The following COG1 variants were observed in gnomAD, a reference collection of about 807,000 sequenced individuals.
COG1 encodes conserved oligomeric Golgi complex subunit 1.
A neutral mutation model predicts 102.2 loss-of-function variants in COG1; 61 were observed. The observed-to-expected ratio is 0.60, with a 90% CI of 0.49 to 0.74. The LOEUF is 0.74. Ranked by LOEUF, COG1 falls within the 30% of genes least tolerant of loss-of-function variation. The pLI is 0.00. For missense variants in COG1, 1,164 were observed against 1,232.1 expected (o/e 0.94, Z 0.83); for synonymous variants, 454 against 493.6 (o/e 0.92, Z 1.06).
At position 73,206,703 on chromosome 17, in the gene COG1, G is replaced by A; in HGVS notation, c.2620-5G>A. ...GAAACCTCTGCTCCACCTCTTGTCT[G>A]CCAGGTTCTGTTTGGATTGGTGACT... On this transcript the variant is annotated splice_polypyrimidine_tract_variant and splice_region_variant and intron_variant, in intron 11 of 13. Transcript: ENST00000299886. The A allele has an allele frequency of 6.3e-7, 1 of 1,591,854 alleles. No homozygotes were observed. The highest frequency in any genetic ancestry group is 8.6e-7 in the Non-Finnish European group (1 of 1,168,564).
chr17:73,195,724 C>A (rs2061322707), intron 1 of COG1, among the ~76,000 whole-genome samples: 1 of 152,064 alleles, frequency 6.6e-6, no homozygotes, highest in Admixed American at 6.5e-5. Context: ...ACCAGCCTGG[C>A]CAACATGGTA....
chr17:73,201,243 G>A lies in COG1; in HGVS notation c.1416G>A (p.Ser472=), dbSNP rs113486038. 3.7e-6 allele frequency: 6 copies of A among 1,614,166 alleles called. No homozygotes were observed. The highest frequency in any genetic ancestry group is 2.2e-5 in the East Asian group (1 of 44,890). Residue 472 remains serine, a synonymous_variant, in exon 7 of 14, where the codon TCG becomes TCA. Transcript: ENST00000299886. ...NKHIHFEYNM[S]LFLWSESPND... ...ACATCCACTTTGAGTACAACATGTC[G>A]CTCTTCCTCTGGTCTGAGAGTCCTA...
Position 73,196,887 on chromosome 17 carries a change from A to T in COG1, c.561-13A>T. ...GAAAAACACCCTGGCGACTTCTGTCATCATTTTTCTAGGTCAACTATTCTG... is the reference window on the plus strand; with the variant it reads ...GAAAAACACCCTGGCGACTTCTGTCTTCATTTTTCTAGGTCAACTATTCTG... On this transcript the variant is annotated splice_polypyrimidine_tract_variant and intron_variant, in intron 2 of 13. Transcript: ENST00000299886. 6.2e-7 allele frequency: 1 copy of T among 1,614,032 alleles called. No individual in the cohort carries two copies. Among genetic ancestry groups the T allele is most frequent in the Non-Finnish European group, 8.5e-7 (1 of 1,179,856 alleles).
chr17:73,200,427 C>T (rs141880412), intron 5 of COG1, 139 bp from the exon 6 acceptor site: 2 of 885,892 alleles, frequency 2.3e-6, no homozygotes, highest in African/African-American at 1.6e-5. Flanking sequence ...TGCTACAGGT[C>T]TATCAACACT....
chr17:73,207,340 A>T (rs772294177), intron 13 of COG1, 84 bp downstream of exon 13: 2 of 1,212,390 alleles, frequency 1.6e-6, no homozygotes, highest in East Asian at 4.8e-5. Flanking sequence ...CTTTTAAATA[A>T]CTGATTAAGA....
chr17:73,200,277 C>T (rs1469007304), intron 5 of COG1, among the ~76,000 whole-genome samples: 2 of 152,214 alleles, frequency 1.3e-5, no homozygotes, highest in African/African-American at 4.8e-5. Context: ...GAGAGTTCTG[C>T]AACTCCTGTT....
rs575069201 is a variant in COG1, at chr17:73,207,556, G to A, written c.2805+300G>A. ...GGGTGAAAGAGTTAACTGCCAACCCGGCACTATCATTGTACTTGTTTGGAG... is the reference window on the plus strand; with the variant it reads ...GGGTGAAAGAGTTAACTGCCAACCCAGCACTATCATTGTACTTGTTTGGAG... On this transcript the variant is annotated intron_variant, in intron 13 of 13. Coordinates refer to ENST00000299886, the MANE Select transcript of COG1 (RefSeq NM_018714.3). The A allele has an allele frequency of 3.4e-4, 223 of 650,370 alleles. 1 individual carries two copies. The highest frequency in any genetic ancestry group is 3.4e-3 in the African/African-American group (187 of 54,972). 40.3% of individuals were successfully genotyped at this position (650,370 alleles called of 1,614,324 possible). A position where few individuals can be genotyped will look rare whatever the true frequency, so the allele number is the denominator to read the frequency against.
intron 13 of COG1, 200 bp downstream of exon 13, chr17:73,207,456 C>A: frequency 1.4e-6 from 1 of 695,078 alleles, no homozygotes; most frequent in Non-Finnish European, 2.6e-6. Context: ...TGCCCGCTGA[C>A]ACTACCAAGT....
At chr17:73,198,441 C>T (rs2061333870) in intron 4 of COG1, among the ~76,000 whole-genome samples, 1 of 152,086 alleles carries the variant, frequency 6.6e-6, no homozygotes, top group Non-Finnish European at 1.5e-5. Context: ...TAAACATTTG[C>T]TGTGTGTGGT....
At chr17:73,200,811 T>C in intron 6 of COG1, 35 bp downstream of exon 6, 1 of 1,559,800 alleles carries the variant, frequency 6.4e-7, no homozygotes, top group South Asian at 1.1e-5. Flanking sequence ...ACCTGTTTTA[T>C]GGCCAATCCT....
At chr17:73,199,744 GT>G (rs1162160267) in intron 4 of COG1, 120 bp from the exon 5 acceptor site, 15 of 1,180,768 alleles carry the variant, frequency 1.3e-5, no homozygotes, top group Non-Finnish European at 1.7e-5. Flanking sequence ...CTGGCAAATT[GT>G]TTCTTTTTTG....
chr17:73,198,460 C>T (rs914174248), intron 4 of COG1, among the ~76,000 whole-genome samples: 1 of 152,070 alleles, frequency 6.6e-6, no homozygotes, highest in Admixed American at 6.6e-5. Flanking sequence ...GTGGCATGCC[C>T]CTGTGGTCCC....
chr17:73,206,794 G>A lies in COG1; in HGVS notation c.2706G>A (p.Leu902=), dbSNP rs770767973. The change falls in exon 12 of 14, where the codon CTG becomes CTA. Residue 902 remains leucine (L), a synonymous_variant. Coordinates refer to ENST00000299886, the MANE Select transcript of COG1 (RefSeq NM_018714.3). ...TFNSQEPHNI[L]PLASSQIRFG... ...ACTCCCAAGAACCCCATAACATCCT[G>A]CCACTGGCATCCAGTCAGATCAGGT... 1.2e-6 allele frequency: 2 copies of A among 1,613,758 alleles called. No homozygotes were observed. The highest frequency in any genetic ancestry group is 8.5e-7 in the Non-Finnish European group (1 of 1,179,886).
At chr17:73,198,560 T>C (rs1242390938) in intron 4 of COG1, among the ~76,000 whole-genome samples, 1 of 152,138 alleles carries the variant, frequency 6.6e-6, no homozygotes, top group Non-Finnish European at 1.5e-5. Context: ...CTTTCCTGCC[T>C]GGGTGACAGA....
chr17:73,206,987 G>A, intron 12 of COG1, 170 bp downstream of exon 12: 1 of 708,072 alleles, frequency 1.4e-6, no homozygotes, highest in South Asian at 1.7e-5. Flanking sequence ...CAGCTATTCA[G>A]GAGGCTGAGG....
At chr17:73,202,108 T>G (rs944767486) in intron 7 of COG1, among the ~76,000 whole-genome samples, 28 of 152,084 alleles carry the variant, frequency 1.8e-4, no homozygotes, top group African/African-American at 6.5e-4. Context: ...GAGGCCAAGA[T>G]GGGCAGATCG....
At chr17:73,200,961 A>G in intron 6 of COG1, 148 bp from the exon 7 acceptor site, 2 of 913,412 alleles carry the variant, frequency 2.2e-6, no homozygotes, top group Non-Finnish European at 3.5e-6. Context: ...ATGTTCATCA[A>G]TAATGGCTTT....
At chr17:73,196,773 A>G (rs757225021) in intron 2 of COG1, 22 bp downstream of exon 2, 1 of 1,614,042 alleles carries the variant, frequency 6.2e-7, no homozygotes, top group Admixed American at 1.7e-5. Flanking sequence ...CAGCGCAAAG[A>G]GCTGCTCTGG....
rs1348548266 is a variant in COG1, at chr17:73,203,146, G to A, written c.2220G>A (p.Gln740=). 4 of 1,614,118 alleles carry A rather than the reference G, an allele frequency of 2.5e-6. No individual in the cohort carries two copies. Among genetic ancestry groups the A allele is most frequent in the Non-Finnish European group, 2.5e-6 (3 of 1,179,978 alleles). ...SVTSKIRLPA[Q]PSWYVQSFLF... ...CATCCAAGATCCGACTCCCTGCACA[G>A]GTGAGCAGGGACCATGGGCTGAAAA... The change falls in exon 8 of 14, where the codon CAG becomes CAA. Residue 740 remains glutamine, a splice_region_variant and synonymous_variant. Coordinates refer to ENST00000299886, the MANE Select transcript of COG1 (RefSeq NM_018714.3).
Sources: gnomAD v4.1 joint callset for allele counts (sites outside exome capture counted in the v4.1 genomes callset) on GRCh38, gnomAD v4.1.1 for gene constraint, MANE v1.5 for transcripts, NCBI Gene and HGNC (gene_info 2026-07-23, HGNC 2026-07-21) for gene names.